Variants in SYT9 observed in about 807,000 individuals in gnomAD.
SYT9 encodes the protein synaptotagmin-9.
A neutral mutation model predicts 48.4 loss-of-function variants in SYT9; 22 were observed. The observed-to-expected ratio is 0.45, with a 90% CI of 0.32 to 0.65. The LOEUF is 0.65. SYT9 is among the 30% of genes least tolerant of loss of function. The pLI is 0.03. For missense variants in SYT9, 577 were observed against 622.0 expected (o/e 0.93, Z 0.77); for synonymous variants, 265 against 245.0 (o/e 1.08, Z -0.76).
chr11:7,339,921 G>A (rs1849686597), intron 3 of SYT9, among the ~76,000 whole-genome samples: 1 of 152,162 alleles, frequency 6.6e-6, no homozygotes, highest in Non-Finnish European at 1.5e-5. Flanking sequence ...GGTTGGGGAA[G>A]TTTTCATGGA....
At chr11:7,347,551 A>G (rs963783283) in intron 3 of SYT9, among the ~76,000 whole-genome samples, 1 of 152,186 alleles carries the variant, frequency 6.6e-6, no homozygotes, top group Admixed American at 6.5e-5. Flanking sequence ...TTTCCATCAA[A>G]GCATGGGGAA....
At chr11:7,376,369 C>CT (rs772185240) in intron 3 of SYT9, among the ~76,000 whole-genome samples, 5,005 of 147,778 alleles carry the variant, frequency 0.034, 311 homozygotes, top group African/African-American at 0.12. Flanking sequence ...TCCTTCCTTC[C>CT]TCCTCCCCTC....
chr11:7,401,313 A>G (rs1846888811), intron 3 of SYT9, among the ~76,000 whole-genome samples: 1 of 150,558 alleles, frequency 6.6e-6, no homozygotes, highest in African/African-American at 2.4e-5. Flanking sequence ...TTTTGTATAT[A>G]TATAATACAT....
intron 3 of SYT9, among the ~76,000 whole-genome samples, chr11:7,399,290 G>T (rs1427726552): frequency 6.6e-6 from 1 of 152,102 alleles, no homozygotes; most frequent in Non-Finnish European, 1.5e-5. Context: ...ATGATGAGCA[G>T]AAGTTAATTT....
intron 3 of SYT9, among the ~76,000 whole-genome samples, chr11:7,386,514 A>G (rs1012785557): frequency 1.3e-5 from 2 of 152,172 alleles, no homozygotes; most frequent in African/African-American, 4.8e-5. Flanking sequence ...TCTCAAAAGA[A>G]GACATTTATG....
intron 1 of SYT9, among the ~76,000 whole-genome samples, chr11:7,273,908 G>T (rs1365975840): frequency 6.6e-6 from 1 of 152,028 alleles, no homozygotes; most frequent in Non-Finnish European, 1.5e-5. Context: ...CAGGGGGTGG[G>T]GGACAAGGGG....
intron 1 of SYT9, among the ~76,000 whole-genome samples, chr11:7,242,595 A>G (rs1285632905): frequency 6.6e-6 from 1 of 152,240 alleles, no homozygotes; most frequent in African/African-American, 2.4e-5. Flanking sequence ...GATAATTTTA[A>G]CTTTGAAATA....
intron 3 of SYT9, among the ~76,000 whole-genome samples, chr11:7,414,548 T>C (rs1432545919): frequency 6.6e-6 from 1 of 152,176 alleles, no homozygotes; most frequent in South Asian, 2.1e-4. Context: ...CCTCCAGTCG[T>C]ATAGAATTCT....
chr11:7,392,169 A>G (rs1846636091), intron 3 of SYT9, among the ~76,000 whole-genome samples: 1 of 152,106 alleles, frequency 6.6e-6, no homozygotes, highest in East Asian at 1.9e-4. Flanking sequence ...ACTTAGTCAT[A>G]CATTATTTGC....
intron 3 of SYT9, among the ~76,000 whole-genome samples, chr11:7,332,695 A>G (rs144478556): frequency 4.6e-5 from 7 of 152,328 alleles, no homozygotes; most frequent in African/African-American, 1.2e-4. Context: ...TGCTCCTGAG[A>G]GGCAGGTTGG....
At chr11:7,247,631 G>GTGTATATATACGTA (rs1564834898), upstream of SYT9, among the ~76,000 whole-genome samples, 22 of 144,522 alleles carry the variant, frequency 1.5e-4, no homozygotes, top group African/African-American at 2.6e-4. Context: ...ATATATACGT[G>GTGTATATATACGTA]TATATATACG....
Position 7,318,430 on chromosome 11 carries a change from C to T in SYT9, c.1044+4489C>T, listed in dbSNP as rs542321225. 7.9e-5 allele frequency among the ~76,000 whole-genome samples: 12 copies of T among 152,128 alleles called. No homozygotes were observed. The South Asian group carries it at 1.5e-3, about 18-fold the overall frequency. Reference sequence around the variant, plus strand: ...CAGGGTTCAAGTGATTCTCCTGCCTCGGCCTCCTGAGTAGCTGGAATTACG... The same window carrying T: ...CAGGGTTCAAGTGATTCTCCTGCCTTGGCCTCCTGAGTAGCTGGAATTACG... On this transcript the variant is annotated intron_variant, in intron 3 of 6. Coordinates refer to ENST00000318881, the MANE Select transcript of SYT9 (RefSeq NM_175733.4).
At chr11:7,458,520 C>G (rs1475340522) in intron 6 of SYT9, among the ~76,000 whole-genome samples, 1 of 152,098 alleles carries the variant, frequency 6.6e-6, no homozygotes, top group Non-Finnish European at 1.5e-5. Context: ...ATAGAGCAAG[C>G]AATGGGGATC....
In SYT9 at chr11:7,286,081, C is replaced by T. The variant is rs371332730; in HGVS notation, c.146-16958C>T. The stretch of plus-strand genomic sequence containing the variant: ...GTCTGGAGGATGGTGGCCCTCTTCT[C>T]ACAGATCCACTAGGCAGTGTCCCAG... On this transcript the variant is annotated intron_variant, in intron 1 of 6. Coordinates refer to ENST00000318881, the MANE Select transcript of SYT9 (RefSeq NM_175733.4). Among the ~76,000 whole-genome samples the T allele has an allele frequency of 5.9e-5, 9 of 152,342 alleles. No individual in the cohort carries two copies. The East Asian group carries it at 1.7e-3, about 29-fold the overall frequency.
At chr11:7,369,198 C>A (rs1850306576) in intron 3 of SYT9, among the ~76,000 whole-genome samples, 1 of 151,878 alleles carries the variant, frequency 6.6e-6, no homozygotes, top group South Asian at 2.1e-4. Context: ...GATGGTATCT[C>A]ACTGTGGTTT....
chr11:7,435,732 G>C (rs1302833133), intron 6 of SYT9: 1 of 152,242 alleles, frequency 6.6e-6, no homozygotes, highest in Non-Finnish European at 1.5e-5. Context: ...TGTAATCCCA[G>C]CACTTTGGGA....
intron 1 of SYT9, among the ~76,000 whole-genome samples, chr11:7,278,635 A>G (rs11041296): frequency 0.081 from 12,405 of 152,268 alleles, 684 homozygotes; most frequent in East Asian, 0.23. Flanking sequence ...TTAGTTGAAT[A>G]TAACTGTTGT....
chr11:7,247,154 G>C (rs1209006025), upstream of SYT9, among the ~76,000 whole-genome samples: 1 of 152,062 alleles, frequency 6.6e-6, no homozygotes, highest in Non-Finnish European at 1.5e-5. Context: ...TTGGTTACAT[G>C]ATTAAATTCT....
At chr11:7,426,798 A>G (rs1037160881) in intron 6 of SYT9, among the ~76,000 whole-genome samples, 8 of 152,046 alleles carry the variant, frequency 5.3e-5, no homozygotes, top group African/African-American at 1.7e-4. Context: ...CCCTCTACCT[A>G]TGACTCACGC....
Sources: gnomAD v4.1 joint callset for allele counts (sites outside exome capture counted in the v4.1 genomes callset) on GRCh38, gnomAD v4.1.1 for gene constraint, MANE v1.5 for transcripts, NCBI Gene and HGNC (gene_info 2026-07-23, HGNC 2026-07-21) for gene names.